SPATA6: variants seen among roughly 807,000 people sequenced by gnomAD.
The protein encoded by SPATA6 is spermatogenesis-associated protein 6.
SPATA6 carries 56 observed loss-of-function variants against 65.3 expected under a neutral mutation model. The observed-to-expected ratio is 0.86, with a 90% CI of 0.69 to 1.07. SPATA6 has a LOEUF of 1.07. SPATA6 is among the 50% of genes least tolerant of loss of function. The pLI is 0.00. For missense variants in SPATA6, 590 were observed against 594.8 expected (o/e 0.99, Z 0.08); for synonymous variants, 199 against 213.2 (o/e 0.93, Z 0.58).
intron 7 of SPATA6, among the ~76,000 whole-genome samples, chr1:48,398,206 C>CAAT (rs1447434641): frequency 6.8e-6 from 1 of 147,254 alleles, no homozygotes; most frequent in African/African-American, 2.5e-5. Flanking sequence ...AAAGTAGTCA[C>CAAT]AATAACTTCA....
intron 3 of SPATA6, among the ~76,000 whole-genome samples, chr1:48,418,815 AGGAGGGAG>A (rs1219684465): frequency 1.0e-5 from 1 of 98,408 alleles, no homozygotes; most frequent in Non-Finnish European, 2.4e-5. Flanking sequence ...GAAGGAGGGA[AGGAGGGAG>A]GGAGGGAAAG....
At chr1:48,441,015 G>C (rs1044152025) in intron 3 of SPATA6, among the ~76,000 whole-genome samples, 13 of 152,150 alleles carry the variant, frequency 8.5e-5, no homozygotes, top group Non-Finnish European at 4.4e-5. Flanking sequence ...GGTTGGGCTT[G>C]TTACCAGTGT....
At chr1:48,306,543 G>A (rs1287039634) in intron 11 of SPATA6, among the ~76,000 whole-genome samples, 2 of 151,800 alleles carry the variant, frequency 1.3e-5, no homozygotes, top group Admixed American at 6.6e-5. Context: ...GTGTGGTAAT[G>A]GTATATAATT....
chr1:48,463,567 AT>A (rs928417826), intron 1 of SPATA6, among the ~76,000 whole-genome samples: 1 of 152,228 alleles, frequency 6.6e-6, no homozygotes, highest in African/African-American at 2.4e-5. Context: ...AAAGGCAGAT[AT>A]TACAATGAGA....
intron 3 of SPATA6, among the ~76,000 whole-genome samples, chr1:48,416,942 C>CT (rs1339861245): frequency 1.3e-5 from 2 of 151,874 alleles, no homozygotes; most frequent in African/African-American, 4.8e-5. Flanking sequence ...TAGAAGGGAC[C>CT]TTTTTTAATG....
chr1:48,363,802 T>G (rs562223871), intron 9 of SPATA6, among the ~76,000 whole-genome samples: 10 of 151,786 alleles, frequency 6.6e-5, no homozygotes, highest in African/African-American at 2.4e-4. Context: ...TTTTTAAATT[T>G]ATTTTATTAT....
chr1:48,318,525 T>C (rs542297441), intron 11 of SPATA6, among the ~76,000 whole-genome samples: 1 of 152,216 alleles, frequency 6.6e-6, no homozygotes, highest in East Asian at 1.9e-4. Flanking sequence ...CCATGTAAAA[T>C]AGCATCAAAA....
chr1:48,412,117 C>T (rs1345524723), intron 4 of SPATA6, among the ~76,000 whole-genome samples: 2 of 152,150 alleles, frequency 1.3e-5, no homozygotes. Flanking sequence ...ACCTTGGCCC[C>T]ACAAAGTGCT....
At chr1:48,310,564 G>GT (rs1224667233) in intron 11 of SPATA6, among the ~76,000 whole-genome samples, 14 of 152,158 alleles carry the variant, frequency 9.2e-5, no homozygotes, top group African/African-American at 3.4e-4. Flanking sequence ...GCCCCAAGGA[G>GT]TTTTTTACTC....
chr1:48,451,953 T>C (rs553845605), intron 2 of SPATA6, among the ~76,000 whole-genome samples: 12 of 152,172 alleles, frequency 7.9e-5, no homozygotes, highest in Non-Finnish European at 1.6e-4. Flanking sequence ...AAGAGTAATA[T>C]AGTCTCATAA....
chr1:48,367,509 G>A, intron 9 of SPATA6, among the ~76,000 whole-genome samples: 1 of 152,200 alleles, frequency 6.6e-6, no homozygotes, highest in Non-Finnish European at 1.5e-5. Context: ...ATTTAGGATA[G>A]TTAACTCTTC....
chr1:48,396,590 G>A (rs1289255882), intron 7 of SPATA6, among the ~76,000 whole-genome samples: 4 of 151,602 alleles, frequency 2.6e-5, no homozygotes, highest in Non-Finnish European at 5.9e-5. Context: ...ACGGTAAAAG[G>A]GAAAGAAATT....
intron 11 of SPATA6, among the ~76,000 whole-genome samples, chr1:48,330,359 GC>G (rs1156738877): frequency 6.6e-6 from 1 of 152,214 alleles, no homozygotes; most frequent in East Asian, 1.9e-4. Context: ...TGGCCCAGTG[GC>G]TCCACTGCTG....
intron 9 of SPATA6, among the ~76,000 whole-genome samples, chr1:48,376,244 G>T (rs145197547): frequency 2.9e-4 from 44 of 152,180 alleles, no homozygotes; most frequent in African/African-American, 1.0e-3. Context: ...TGGGACAAGT[G>T]TCATGTGGTT....
At chr1:48,323,871 C>G (rs1050428188) in intron 11 of SPATA6, among the ~76,000 whole-genome samples, 54 of 152,188 alleles carry the variant, frequency 3.5e-4, no homozygotes, top group African/African-American at 1.3e-3. Context: ...AGTCTCCTAG[C>G]AAAGAAAAGC....
At chr1:48,423,562 TTC>T (rs1450910452) in intron 3 of SPATA6, among the ~76,000 whole-genome samples, 17 of 97,978 alleles carry the variant, frequency 1.7e-4, no homozygotes, top group African/African-American at 5.4e-4. Context: ...CTTTCTTTCT[TTC>T]TTTTTTTTTT....
intron 1 of SPATA6, among the ~76,000 whole-genome samples, chr1:48,453,950 G>GA (rs201537771): frequency 6.8e-6 from 1 of 146,568 alleles, no homozygotes; most frequent in Non-Finnish European, 1.5e-5. Context: ...GTTTTAGGGG[G>GA]AAAAAAAAGA....
At chr1:48,356,202 G>T (rs79093942) in intron 10 of SPATA6, among the ~76,000 whole-genome samples, 1,860 of 152,102 alleles carry the variant, frequency 0.012, 46 homozygotes, top group African/African-American at 0.043. Context: ...CAACACAGAT[G>T]ATATTATCTC....
chr1:48,356,554 C>T (rs865980663), intron 10 of SPATA6, among the ~76,000 whole-genome samples: 29 of 145,186 alleles, frequency 2.0e-4, no homozygotes, highest in Middle Eastern at 7.1e-3. Flanking sequence ...CGCTCTGTCA[C>T]CCATGCTGGA....
Sources: gnomAD v4.1 joint callset for allele counts (sites outside exome capture counted in the v4.1 genomes callset) on GRCh38, gnomAD v4.1.1 for gene constraint, MANE v1.5 for transcripts, NCBI Gene and HGNC (gene_info 2026-07-23, HGNC 2026-07-21) for gene names.